Variants in DDX60 observed in about 807,000 individuals in gnomAD.
DDX60 encodes the protein probable ATP-dependent RNA helicase DDX60.
A neutral mutation model predicts 212.8 loss-of-function variants in DDX60; 165 were observed. That is an observed-to-expected ratio of 0.78 (90% CI 0.68 to 0.88). The LOEUF is 0.88. DDX60 is among the 40% of genes least tolerant of loss of function. The probability of loss-of-function intolerance (pLI) is 0.00; values close to 1 mark genes in which losing one functional copy is unlikely to be tolerated. For synonymous variants in DDX60, 703 were observed against 685.3 expected (o/e 1.03, Z -0.40); for missense variants, 1,905 against 2,003.9 (o/e 0.95, Z 0.94).
intron 4 of DDX60, among the ~76,000 whole-genome samples, 156 bp downstream of exon 4, chr4:168,307,850 T>G (rs942663987): frequency 5.3e-5 from 8 of 152,160 alleles, no homozygotes; most frequent in Non-Finnish European, 8.8e-5. Flanking sequence ...TTCTGAATAC[T>G]GGGATTGTGG....
At chr4:168,303,461 T>A (rs1175823271) in intron 5 of DDX60, among the ~76,000 whole-genome samples, 1 of 152,038 alleles carries the variant, frequency 6.6e-6, no homozygotes, top group Admixed American at 6.6e-5. Context: ...CTGCTCAGAG[T>A]AGGCAACCAG....
chr4:168,223,896 G>A lies in DDX60; in HGVS notation c.4824+347C>T, dbSNP rs561241049. Among the ~76,000 whole-genome samples, 13 of 152,160 alleles carry A rather than the reference G, an allele frequency of 8.5e-5. No homozygotes were observed. In the South Asian group the frequency reaches 2.7e-3, roughly 32 times the overall value. ...TTCCATTTTAGGCATCAATGATGCA[G>A]ACTGTAAGTAGTATTTACAGCATTT... On this transcript the variant is annotated intron_variant, in intron 35 of 37. Transcript: ENST00000393743.
Position 168,311,056 on chromosome 4 carries a change from G to T in DDX60, c.16C>A (p.Leu6Ile). 6.4e-7 allele frequency: 1 copy of T among 1,570,236 alleles called. No individual in the cohort carries two copies. Among genetic ancestry groups the T allele is most frequent in the Non-Finnish European group, 8.7e-7 (1 of 1,145,714 alleles). ...GACATTTCCTGTGAAAATGTTGTAA[G>T]AACATTTCTTTCTAAATTTAAAAAA... MERNVLTTFSQEMSQL... is the reference protein window; with the variant it reads MERNVITTFSQEMSQL... Residue 6 changes from leucine (L) to isoleucine (I), a missense_variant, in exon 3 of 38, where the codon CTT becomes ATT. By Grantham distance (5) the Leu-to-Ile change is conservative. Transcript: ENST00000393743.
At chr4:168,230,773 C>T (rs940340339) in intron 33 of DDX60, among the ~76,000 whole-genome samples, 26 of 151,910 alleles carry the variant, frequency 1.7e-4, no homozygotes, top group African/African-American at 6.0e-4. Context: ...GGTCACCCCT[C>T]AAGGAACTAG....
At chr4:168,303,725 T>C (rs1312615220) in intron 5 of DDX60, among the ~76,000 whole-genome samples, 1 of 152,172 alleles carries the variant, frequency 6.6e-6, no homozygotes, top group Non-Finnish European at 1.5e-5. Flanking sequence ...GGCTCACGTC[T>C]GTAATCCCAG....
At chr4:168,320,070 C>T (rs1737566345), upstream of DDX60, among the ~76,000 whole-genome samples, 1 of 152,104 alleles carries the variant, frequency 6.6e-6, no homozygotes, top group Admixed American at 6.5e-5. Context: ...TTAAATCAGC[C>T]AATATTCCTG....
intron 1 of DDX60, among the ~76,000 whole-genome samples, chr4:168,316,770 A>T (rs940297439): frequency 1.3e-5 from 2 of 152,106 alleles, no homozygotes; most frequent in South Asian, 4.1e-4. Flanking sequence ...ACCATCAGTG[A>T]AGTATTGTAG....
At chr4:168,290,860 C>A (rs747268369) in intron 8 of DDX60, among the ~76,000 whole-genome samples, 13 of 152,116 alleles carry the variant, frequency 8.5e-5, no homozygotes, top group Non-Finnish European at 1.8e-4. Flanking sequence ...CCAGTGATTA[C>A]CACAATGTAC....
Position 168,255,735 on chromosome 4 carries a change from T to A in DDX60, c.3533A>T (p.Lys1178Ile). The A allele has an allele frequency of 6.3e-7, 1 of 1,591,408 alleles. No homozygotes were observed. The highest frequency in any genetic ancestry group is 8.5e-7 in the Non-Finnish European group (1 of 1,174,376). Residue 1178 changes from lysine to isoleucine, a missense_variant, in exon 26 of 38, where the codon AAA (lysine) becomes ATA (isoleucine). By Grantham distance (102) the Lys-to-Ile change is moderately radical (BLOSUM62 -3). Coordinates refer to ENST00000393743, the MANE Select transcript of DDX60 (RefSeq NM_017631.6). ...VMANKLRKVK[K>I]SIEKQKIIDE... Reference sequence around the variant, plus strand: ...CATGATCTTTTGTTTCTCTATGGATTTTTTAACTTTTCGAAGTTTGTTAGC... The same window carrying A: ...CATGATCTTTTGTTTCTCTATGGATATTTTAACTTTTCGAAGTTTGTTAGC...
chr4:168,301,865 GTTAGGATGTA>G (rs1368103010), intron 6 of DDX60, among the ~76,000 whole-genome samples: 3 of 152,240 alleles, frequency 2.0e-5, no homozygotes, highest in Non-Finnish European at 4.4e-5. Context: ...CAGACATATT[GTTAGGATGTA>G]CTGAGGACCC....
intron 30 of DDX60, among the ~76,000 whole-genome samples, chr4:168,238,038 C>T (rs538457811): frequency 6.6e-6 from 1 of 151,872 alleles, no homozygotes; most frequent in South Asian, 2.1e-4. Flanking sequence ...TAAAGCCATT[C>T]CAGTTCAAGA....
intron 8 of DDX60, 135 bp downstream of exon 8, chr4:168,291,613 T>G: frequency 1.7e-6 from 1 of 577,284 alleles, no homozygotes; most frequent in Non-Finnish European, 2.7e-6. Flanking sequence ...GGAAAGTGAC[T>G]GATGTAGCCC....
At chr4:168,273,216 CAA>C (rs1735177818) in intron 18 of DDX60, 61 bp downstream of exon 18, 2 of 1,460,566 alleles carry the variant, frequency 1.4e-6, no homozygotes, top group African/African-American at 1.4e-5. Context: ...AATTTCTAGT[CAA>C]AGAGACATAC....
rs1735218366 is a variant in DDX60 at position 168,274,018 on chromosome 4, G to C, written c.2370C>G (p.Gly790=). 1.9e-6 allele frequency: 3 copies of C among 1,614,196 alleles called. No individual in the cohort carries two copies. The highest frequency in any genetic ancestry group is 2.5e-6 in the Non-Finnish European group (3 of 1,180,018). Reference sequence around the variant, plus strand: ...TACAGTAGTAGGAGGCATAGGTTTTGCCTGAGGACGTTGGGGCAACAATCA... The same window carrying C: ...TACAGTAGTAGGAGGCATAGGTTTTCCCTGAGGACGTTGGGGCAACAATCA... ...SAVIVAPTSS[G]KTYASYYCME... The change falls in exon 17 of 38, where the codon GGC becomes GGG. Residue 790 remains glycine (G), a synonymous_variant. Coordinates refer to ENST00000393743, the MANE Select transcript of DDX60 (RefSeq NM_017631.6).
chr4:168,271,997 C>T, intron 19 of DDX60, 46 bp downstream of exon 19: 1 of 1,381,968 alleles, frequency 7.2e-7, no homozygotes, highest in Non-Finnish European at 1.0e-6. Context: ...CATTGCTATG[C>T]AAGTGTGCAC....
intron 29 of DDX60, among the ~76,000 whole-genome samples, chr4:168,247,229 CCA>C (rs1193509182): frequency 6.6e-6 from 1 of 152,162 alleles, no homozygotes; most frequent in East Asian, 1.9e-4. Flanking sequence ...ACTGAAACAA[CCA>C]CAGAGTGGAA....
At position 168,260,984 on chromosome 4, in the gene DDX60, T is replaced by C; in HGVS notation, c.3279A>G (p.Arg1093=). 2 of 1,612,416 alleles carry C rather than the reference T, an allele frequency of 1.2e-6. No homozygotes were observed. The highest frequency in any genetic ancestry group is 1.7e-6 in the Non-Finnish European group (2 of 1,179,506). The change falls in exon 25 of 38, where the codon AGA becomes AGG. Residue 1093 remains arginine, a synonymous_variant. Transcript: ENST00000393743. ...CAGGACTAAGATTCTGAAGTACCAT[T>C]CTGGCCTGTAGTGGTGAATACAAAA... The part of the protein sequence containing the change: ...WIKNGNVEQA[R]MVLQNLSPEA...
chr4:168,272,197 T>C (rs1735131456), intron 18 of DDX60, 59 bp from the exon 19 acceptor site: 1 of 1,339,488 alleles, frequency 7.5e-7, no homozygotes, highest in African/African-American at 1.5e-5. Context: ...TGTTGACATA[T>C]TTACAGGAAT....
At chr4:168,286,584 C>T (rs149158651) in intron 10 of DDX60, among the ~76,000 whole-genome samples, 50 of 152,124 alleles carry the variant, frequency 3.3e-4, no homozygotes, top group African/African-American at 8.9e-4. Context: ...CCTGTGCCTG[C>T]GTTTGTCGGG....
Sources: allele counts gnomAD v4.1 joint callset (sites outside exome capture counted in the v4.1 genomes callset), GRCh38; gene constraint gnomAD v4.1.1; transcripts MANE v1.5; gene names NCBI Gene and HGNC (gene_info 2026-07-23, HGNC 2026-07-21).